The following SULT1A2 variants were observed in gnomAD, a reference collection of about 807,000 sequenced individuals.
SULT1A2 encodes the protein sulfotransferase family 1A member 2.
Under a neutral mutation model 36.0 loss-of-function variants are expected in SULT1A2, and 33 were observed. The observed-to-expected ratio is 0.92, with a 90% CI of 0.69 to 1.22. The LOEUF is 1.22. SULT1A2 is among the 50% of genes most tolerant of loss of function. The probability of loss-of-function intolerance (pLI) is 0.00; values close to 1 mark genes in which losing one functional copy is unlikely to be tolerated. For missense variants in SULT1A2, 367 were observed against 383.2 expected, an observed-to-expected ratio of 0.96 and a Z score of 0.35; for synonymous variants, 138 against 144.5, an observed-to-expected ratio of 0.96 and a Z score of 0.32.
At chr16:28,594,958 T>G (rs9937476) in intron 4 of SULT1A2, among the ~76,000 whole-genome samples, 1 of 151,394 alleles carries the variant, frequency 6.6e-6, no homozygotes, top group Non-Finnish European at 1.5e-5. Flanking sequence ...TTTTTTTGTA[T>G]TTTTAGTAGA....
At chr16:28,596,302 C>T in intron 1 of SULT1A2, 1 of 1,177,714 alleles carries the variant, frequency 8.5e-7, no homozygotes, top group South Asian at 1.9e-5. Flanking sequence ...GTCTTCCTGC[C>T]AGCCAGCGCC....
chr16:28,592,893 TCTC>T (rs1271250897), intron 6 of SULT1A2, among the ~76,000 whole-genome samples: 1 of 152,074 alleles, frequency 6.6e-6, no homozygotes, highest in Non-Finnish European at 1.5e-5. Context: ...GCATCTGTAA[TCTC>T]AGCTACTCAG....
chr16:28,595,341 G>A (rs1198800076), intron 4 of SULT1A2, 26 bp downstream of exon 4: 2 of 1,613,146 alleles, frequency 1.2e-6, no homozygotes, highest in East Asian at 2.2e-5. Context: ...GAGATTGCGG[G>A]TGTGAACCAC....
intron 4 of SULT1A2, 110 bp downstream of exon 4, chr16:28,595,257 T>C: frequency 7.8e-7 from 1 of 1,284,232 alleles, no homozygotes; most frequent in Non-Finnish European, 1.1e-6. Flanking sequence ...CACAGCTAAG[T>C]TTTTTTTTTG....
chr16:28,592,912 T>C (rs2047011438), intron 6 of SULT1A2, among the ~76,000 whole-genome samples: 1 of 152,070 alleles, frequency 6.6e-6, no homozygotes, highest in Admixed American at 6.6e-5. Flanking sequence ...CTCAGGAGGC[T>C]GAGGCAGGAG....
chr16:28,596,377 T>C lies in SULT1A2; in HGVS notation c.-4-443A>G. On this transcript the variant is annotated intron_variant, in intron 1 of 7. Coordinates refer to ENST00000335715, the MANE Select transcript of SULT1A2 (RefSeq NM_001054.4). ...CCCAGTAGGCTCCTCTCCCCGATGT[T>C]CCCCTCCTTGAGCCCCTCGGCCCCT... 2.7e-6 allele frequency: 3 copies of C among 1,107,044 alleles called. 1 individual carries two copies. In the South Asian group the frequency reaches 6.2e-5, roughly 23 times the overall value. The allele number at this position is 1,107,044 out of a possible 1,614,324, so 68.6% of individuals were successfully genotyped here. A position where few individuals can be genotyped will look rare whatever the true frequency, so the allele number is the denominator to read the frequency against.
At position 28,594,091 on chromosome 16, in the gene SULT1A2, G is replaced by GT. The variant is rs1191789255; in HGVS notation, c.373-524_373-523insA. ...ACCTTTGCTTTTTTCTTTTTGTTGTGGTTTTTTTTTTTTTTTGGGGGGGGG... is the reference window on the plus strand; with the variant it reads ...ACCTTTGCTTTTTTCTTTTTGTTGTGTGTTTTTTTTTTTTTTTGGGGGGGGG... On this transcript the variant is annotated intron_variant, in intron 4 of 7. Coordinates refer to ENST00000335715, the MANE Select transcript of SULT1A2 (RefSeq NM_001054.4). 8.5e-4 allele frequency among the ~76,000 whole-genome samples: 112 copies of GT among 131,348 alleles called. 2 individuals carry two copies. The highest frequency in any genetic ancestry group is 3.0e-3 in the African/African-American group (108 of 35,700). 86.2% of individuals were successfully genotyped at this position (131,348 alleles called of 152,430 possible). A position where few individuals can be genotyped will look rare whatever the true frequency, so the allele number is the denominator to read the frequency against.
chr16:28,593,571 G>T lies in SULT1A2; in HGVS notation c.373-3C>A, dbSNP rs1241194965. 8.1e-6 allele frequency: 13 copies of T among 1,614,014 alleles called. No individual in the cohort carries two copies. Among genetic ancestry groups the T allele is most frequent in the Non-Finnish European group, 1.1e-5 (13 of 1,180,004 alleles). ...GCGTTGCGGGCAACATAGACCACCT[G>T]CAGGGGCAGAAGACTCAACCCCAGC... On this transcript the variant is annotated splice_polypyrimidine_tract_variant and splice_region_variant and intron_variant, in intron 4 of 7. Transcript: ENST00000335715.
At chr16:28,595,258 T>A (rs1025341189) in intron 4 of SULT1A2, 109 bp downstream of exon 4, 3 of 1,458,380 alleles carry the variant, frequency 2.1e-6, no homozygotes, top group African/African-American at 2.8e-5. Flanking sequence ...ACAGCTAAGT[T>A]TTTTTTTTGG....
chr16:28,592,787 T>A (rs2047010283), intron 6 of SULT1A2, among the ~76,000 whole-genome samples: 1 of 152,066 alleles, frequency 6.6e-6, no homozygotes. Flanking sequence ...CCCAAGACTT[T>A]GGGAGGCTGA....
chr16:28,596,380 C>T, intron 1 of SULT1A2: 1 of 1,102,698 alleles, frequency 9.1e-7, no homozygotes, highest in Non-Finnish European at 1.1e-6. Context: ...CCGATGTTCC[C>T]CTCCTTGAGC....
Position 28,593,324 on chromosome 16 carries a change from C to T in SULT1A2, c.522G>A (p.Gln174=), listed in dbSNP as rs527562712. ...TCAGCTCCCACCACTCTTGCACGTG[C>T]TGGTACCAGGACCCATAGGACACTG... is the stretch of plus-strand genomic sequence containing the variant. ...AGEVSYGSWY[Q]HVQEWWELSR... Residue 174 remains glutamine (Q), a synonymous_variant, in exon 6 of 8, where the codon CAG becomes CAA. Transcript: ENST00000335715. The T allele has an allele frequency of 6.2e-7, 1 of 1,614,188 alleles. No individual in the cohort carries two copies. Among genetic ancestry groups the T allele is most frequent in the South Asian group, 1.1e-5 (1 of 91,088 alleles).
chr16:28,593,401 A>G, intron 5 of SULT1A2, 41 bp downstream of exon 5: 1 of 1,612,714 alleles, frequency 6.2e-7, no homozygotes, highest in African/African-American at 1.3e-5. Context: ...TGTAGCCACC[A>G]CCCCTTAGCT....
intron 4 of SULT1A2, among the ~76,000 whole-genome samples, chr16:28,594,522 G>A (rs1157973811): frequency 5.3e-5 from 8 of 152,026 alleles, no homozygotes; most frequent in South Asian, 2.1e-4. Flanking sequence ...GCACAATCTC[G>A]GCTCACTGCA....
intron 7 of SULT1A2, 60 bp from the exon 8 acceptor site, chr16:28,592,200 C>T (rs2047000717): frequency 9.3e-6 from 15 of 1,613,606 alleles, no homozygotes; most frequent in African/African-American, 1.3e-5. Context: ...CCCCGAGTGC[C>T]TATGGGGAGG....
chr16:28,595,662 C>T lies in SULT1A2; in HGVS notation c.162G>A (p.Val54=), dbSNP rs559578354. 122 of 1,614,164 alleles carry T rather than the reference C, an allele frequency of 7.6e-5. 1 individual carries two copies. In the South Asian group the frequency reaches 9.0e-4, roughly 12 times the overall value. Residue 54 remains valine, a synonymous_variant, in exon 3 of 8, where the codon GTG becomes GTA. Transcript: ENST00000335715. ...GGTAGATCATGTCCAGAATCTGGCT[C>T]ACCCAGGTGGTGCCTGGAGAGGGAG... is the stretch of plus-strand genomic sequence containing the variant. ...STYPKSGTTW[V]SQILDMIYQG...
intron 4 of SULT1A2, among the ~76,000 whole-genome samples, chr16:28,595,160 C>T (rs1353846086): frequency 6.6e-6 from 1 of 152,092 alleles, no homozygotes; most frequent in Non-Finnish European, 1.5e-5. Flanking sequence ...GTGATCATAG[C>T]TCACTGTAGC....
At chr16:28,595,731 G>A (rs1467249595) in intron 2 of SULT1A2, 52 bp downstream of exon 2, 5 of 1,612,252 alleles carry the variant, frequency 3.1e-6, no homozygotes, top group African/African-American at 2.7e-5. Context: ...GACCTCGCTG[G>A]CCAAGGTGGG....
At chr16:28,596,856 GA>G (rs2047064555) in intron 1 of SULT1A2, 140 bp downstream of exon 1, 1 of 486,132 alleles carries the variant, frequency 2.1e-6, no homozygotes, top group East Asian at 1.0e-4. Flanking sequence ...AAGGGAGGGG[GA>G]TTCAGGCCGG....
Sources: allele counts gnomAD v4.1 joint callset (sites outside exome capture counted in the v4.1 genomes callset), GRCh38; gene constraint gnomAD v4.1.1; transcripts MANE v1.5; gene names NCBI Gene and HGNC (gene_info 2026-07-23, HGNC 2026-07-21).